The following CCDC191 variants were observed in gnomAD, a reference collection of about 807,000 sequenced individuals.
The protein encoded by CCDC191 is coiled-coil domain containing 191.
CCDC191 carries 99 observed loss-of-function variants against 114.0 expected under a neutral mutation model. The ratio of observed to expected loss-of-function variants is 0.87; its 90% CI spans 0.74 to 1.03. The LOEUF is 1.03. Ranked by LOEUF, CCDC191 falls within the 50% of genes least tolerant of loss-of-function variation. The pLI, the probability that CCDC191 is intolerant of heterozygous loss-of-function variation, is 0.00. For synonymous variants in CCDC191, 351 were observed against 376.0 expected, an observed-to-expected ratio of 0.93 and a Z score of 0.77; for missense variants, 973 against 1,087.0, an observed-to-expected ratio of 0.90 and a Z score of 1.47.
Position 114,027,320 on chromosome 3 carries a change from A to G in CCDC191, c.972+4306T>C, listed in dbSNP as rs118087120. On this transcript the variant is annotated intron_variant, in intron 7 of 16. Transcript: ENST00000295878. ...AAGAGATACTCTGGGAGGAACAAAT[A>G]AAATCCAGAATTAGGCCGGGCGTGG... Among the ~76,000 whole-genome samples the G allele has an allele frequency of 6.2e-4, 94 of 152,334 alleles. 2 individuals carry two copies. In the East Asian group the frequency reaches 0.014, roughly 23 times the overall value.
At chr3:114,023,015 A>G (rs1206504414) in intron 7 of CCDC191, among the ~76,000 whole-genome samples, 1 of 152,238 alleles carries the variant, frequency 6.6e-6, no homozygotes, top group African/African-American at 2.4e-5. Flanking sequence ...GCAAAGTCTC[A>G]GGATACAAAA....
At chr3:113,998,155 A>C (rs1371639525) in intron 13 of CCDC191, among the ~76,000 whole-genome samples, 1 of 151,794 alleles carries the variant, frequency 6.6e-6, no homozygotes. Flanking sequence ...AAAATACAAA[A>C]ATTAGCCAGG....
rs575259158 is a variant in CCDC191 at position 114,044,722 on chromosome 3, A to G, written c.271+1869T>C. On this transcript the variant is annotated intron_variant, in intron 3 of 16. Coordinates refer to ENST00000295878, the MANE Select transcript of CCDC191 (RefSeq NM_020817.2). Reference sequence around the variant, plus strand: ...TATGTGTATAGTAATTTATATGCAAAATAATTCACACCTACTAAATAACAT... The same window carrying G: ...TATGTGTATAGTAATTTATATGCAAGATAATTCACACCTACTAAATAACAT... Among the ~76,000 whole-genome samples, 29 of 152,344 alleles carry G rather than the reference A, an allele frequency of 1.9e-4. No homozygotes were observed. In the South Asian group the frequency reaches 5.8e-3, roughly 30 times the overall value.
In CCDC191 at chr3:113,980,734, T is replaced by C; in HGVS notation, c.2223A>G (p.Lys741=). 2 of 1,610,768 alleles carry C rather than the reference T, an allele frequency of 1.2e-6. No individual in the cohort carries two copies. The highest frequency in any genetic ancestry group is 1.3e-5 in the African/African-American group (1 of 74,770). The change falls in exon 14 of 17, where the codon AAA becomes AAG. Residue 741 remains lysine, a synonymous_variant. Coordinates refer to ENST00000295878, the MANE Select transcript of CCDC191 (RefSeq NM_020817.2). ...TTAGCAAGACCCTTTCATAATGTTC[T>C]TTGGCTATTGCTTCCAGCTGCTGGT... ...KRNQQLEAIA[K]EHYERVLLRK...
At chr3:113,984,546 G>C (rs2075285949) in intron 13 of CCDC191, 1 of 152,196 alleles carries the variant, frequency 6.6e-6, no homozygotes, top group Non-Finnish European at 1.5e-5. Flanking sequence ...ATGAAAATCT[G>C]AGTGGAGAAG....
chr3:114,017,590 A>AT (rs1397629695), intron 8 of CCDC191, among the ~76,000 whole-genome samples: 1 of 152,128 alleles, frequency 6.6e-6, no homozygotes, highest in African/African-American at 2.4e-5. Context: ...CATTCATGTG[A>AT]TTTTTCATCC....
At chr3:114,025,201 T>C (rs1043614034) in intron 7 of CCDC191, among the ~76,000 whole-genome samples, 3 of 151,490 alleles carry the variant, frequency 2.0e-5, no homozygotes, top group Non-Finnish European at 2.9e-5. Flanking sequence ...TCCTGGAATA[T>C]GTGATGCTCA....
chr3:113,972,983 T>C (rs998296776), intron 16 of CCDC191, among the ~76,000 whole-genome samples: 2 of 152,154 alleles, frequency 1.3e-5, no homozygotes, highest in Non-Finnish European at 2.9e-5. Context: ...CAGCATACAG[T>C]TGGATCTTGT....
intron 2 of CCDC191, chr3:114,047,078 T>G (rs1029228706): frequency 1.0e-6 from 1 of 967,226 alleles, no homozygotes; most frequent in Non-Finnish European, 1.2e-6. Context: ...TTATATTTTA[T>G]TAGTTTTCAT....
intron 6 of CCDC191, among the ~76,000 whole-genome samples, chr3:114,032,423 C>T (rs1355382612): frequency 6.6e-6 from 1 of 152,168 alleles, no homozygotes; most frequent in Non-Finnish European, 1.5e-5. Context: ...CTTTTGCTCA[C>T]CAATTCAAAC....
chr3:114,038,986 A>G (rs2076524843), intron 4 of CCDC191, among the ~76,000 whole-genome samples: 3 of 152,144 alleles, frequency 2.0e-5, no homozygotes, highest in Admixed American at 6.5e-5. Context: ...ATGTCTACCT[A>G]TGTAACAAAC....
rs566284982 is a variant in CCDC191 at position 113,988,363 on chromosome 3, G to A, written c.2164-7570C>T. Among the ~76,000 whole-genome samples the A allele has an allele frequency of 2.6e-4, 40 of 151,902 alleles. 1 individual carries two copies. Among genetic ancestry groups the A allele is most frequent in the South Asian group, 1.0e-3 (5 of 4,804 alleles). ...ACAAAAATTAGCCGGGCATGGTGGC[G>A]GGCGCCTGTTAATCCCAGCTATTCC... On this transcript the variant is annotated intron_variant, in intron 13 of 16. Coordinates refer to ENST00000295878, the MANE Select transcript of CCDC191 (RefSeq NM_020817.2).
At chr3:114,042,888 A>C in intron 3 of CCDC191, 42 bp from the exon 4 acceptor site, 1 of 1,546,204 alleles carries the variant, frequency 6.5e-7, no homozygotes, top group Non-Finnish European at 8.7e-7. Context: ...CAGTTACTTC[A>C]GAGATTTTCT....
chr3:114,014,670 CA>C (rs1343661064), intron 8 of CCDC191, among the ~76,000 whole-genome samples: 1 of 152,102 alleles, frequency 6.6e-6, no homozygotes, highest in Non-Finnish European at 1.5e-5. Context: ...CTGCCTCTTT[CA>C]GAAGGTGGGT....
intron 1 of CCDC191, 89 bp from the exon 2 acceptor site, chr3:114,053,724 G>A: frequency 1.3e-6 from 1 of 780,200 alleles, no homozygotes; most frequent in Middle Eastern, 2.3e-4. Context: ...AAAGCATATG[G>A]AACAGTGTCC....
At position 113,966,390 on chromosome 3, in the gene CCDC191, C is replaced by T. The variant is rs78881740; in HGVS notation, c.2607-1031G>A. ...ATCAAGGTAAGCCAGGTACCGTCTG[C>T]CCCGGGAGAGGCTGAAACAGGTGAC... On this transcript the variant is annotated intron_variant, in intron 16 of 16. Coordinates refer to ENST00000295878, the MANE Select transcript of CCDC191 (RefSeq NM_020817.2). Among the ~76,000 whole-genome samples the T allele has an allele frequency of 4.6e-3, 704 of 152,224 alleles. 6 individuals carry two copies. Among genetic ancestry groups the T allele is most frequent in the African/African-American group, 0.016 (670 of 41,522 alleles).
At chr3:114,038,322 C>T (rs886506316) in intron 4 of CCDC191, among the ~76,000 whole-genome samples, 9 of 152,094 alleles carry the variant, frequency 5.9e-5, no homozygotes, top group African/African-American at 1.7e-4. Flanking sequence ...CAATGGACTG[C>T]GTATATGAAG....
At chr3:113,999,918 C>T (rs555023874) in intron 13 of CCDC191, among the ~76,000 whole-genome samples, 1 of 152,268 alleles carries the variant, frequency 6.6e-6, no homozygotes, top group South Asian at 2.1e-4. Context: ...GACTTTACCT[C>T]CTCTTCTGAG....
intron 8 of CCDC191, among the ~76,000 whole-genome samples, chr3:114,018,032 A>T (rs1280473237): frequency 6.6e-6 from 1 of 152,208 alleles, no homozygotes. Flanking sequence ...AAACATAAGA[A>T]GGAGCTGTTA....
Sources: allele counts gnomAD v4.1 joint callset (sites outside exome capture counted in the v4.1 genomes callset), GRCh38; gene constraint gnomAD v4.1.1; transcripts MANE v1.5; gene names NCBI Gene and HGNC (gene_info 2026-07-23, HGNC 2026-07-21).